The following PDE3B variants were observed in gnomAD, a reference collection of about 807,000 sequenced individuals.
PDE3B encodes the protein cGMP-inhibited 3',5'-cyclic phosphodiesterase 3B.
A neutral mutation model predicts 116.8 loss-of-function variants in PDE3B; 66 were observed. That is an observed-to-expected ratio of 0.56 (90% CI 0.46 to 0.69). The LOEUF (loss-of-function observed/expected upper bound fraction) is 0.69. Ranked by LOEUF, PDE3B falls within the 30% of genes least tolerant of loss-of-function variation. The probability of loss-of-function intolerance (pLI) is 0.00; values close to 1 mark genes in which losing one functional copy is unlikely to be tolerated. For synonymous variants in PDE3B, 595 were observed against 533.6 expected, an observed-to-expected ratio of 1.12 and a Z score of -1.59; for missense variants, 1,384 against 1,368.1, an observed-to-expected ratio of 1.01 and a Z score of -0.18.
intron 1 of PDE3B, among the ~76,000 whole-genome samples, chr11:14,755,203 G>A (rs970263581): frequency 6.6e-6 from 1 of 152,162 alleles, no homozygotes; most frequent in African/African-American, 2.4e-5. Context: ...GTCACATCTT[G>A]TCAAAAGTTA....
chr11:14,729,002 A>C (rs1434218348), intron 1 of PDE3B, among the ~76,000 whole-genome samples: 1 of 152,140 alleles, frequency 6.6e-6, no homozygotes, highest in East Asian at 1.9e-4. Context: ...CATTGAAGAG[A>C]TACCCGTGAA....
intron 1 of PDE3B, among the ~76,000 whole-genome samples, chr11:14,666,839 C>G (rs977163247): frequency 2.0e-5 from 3 of 152,176 alleles, no homozygotes; most frequent in African/African-American, 7.2e-5. Flanking sequence ...GTTGGTGGGA[C>G]TGTAAACTAG....
intron 1 of PDE3B, among the ~76,000 whole-genome samples, chr11:14,742,452 C>T (rs1392258528): frequency 6.6e-6 from 1 of 152,080 alleles, no homozygotes; most frequent in Non-Finnish European, 1.5e-5. Flanking sequence ...TTATGTTCTT[C>T]TCTAAACTGG....
chr11:14,679,655 C>G (rs1452653459), intron 1 of PDE3B, among the ~76,000 whole-genome samples: 2 of 151,884 alleles, frequency 1.3e-5, no homozygotes, highest in East Asian at 3.9e-4. Context: ...GAAGGACTCT[C>G]TTCTGTCTTT....
chr11:14,793,928 C>T (rs1048976221), intron 4 of PDE3B, among the ~76,000 whole-genome samples: 3 of 152,214 alleles, frequency 2.0e-5, no homozygotes, highest in Non-Finnish European at 2.9e-5. Context: ...TTGTGTCATC[C>T]TACTCAGCTT....
intron 1 of PDE3B, among the ~76,000 whole-genome samples, chr11:14,771,361 A>G (rs983894333): frequency 2.0e-5 from 3 of 151,718 alleles, no homozygotes; most frequent in African/African-American, 7.2e-5. Flanking sequence ...GCAGGAAAAA[A>G]ACTAGTCTGG....
intron 1 of PDE3B, chr11:14,674,037 G>T: frequency 6.7e-7 from 1 of 1,492,850 alleles, no homozygotes; most frequent in Non-Finnish European, 9.3e-7. Flanking sequence ...TGGTAATTAA[G>T]TCCCAGTCAT....
the PDE3B span, among the ~76,000 whole-genome samples, chr11:14,889,250 T>C: frequency 6.6e-6 from 1 of 151,918 alleles, no homozygotes; most frequent in Non-Finnish European, 1.5e-5. Context: ...AGGTACAACT[T>C]TCCAGAACTT....
chr11:14,702,092 T>C (rs1432752404), intron 1 of PDE3B, among the ~76,000 whole-genome samples: 1 of 151,684 alleles, frequency 6.6e-6, no homozygotes, highest in Non-Finnish European at 1.5e-5. Context: ...TTTTAAAGTG[T>C]TTTTCTCCTA....
intron 14 of PDE3B, among the ~76,000 whole-genome samples, chr11:14,863,931 A>G (rs1370607540): frequency 1.3e-5 from 2 of 152,228 alleles, no homozygotes; most frequent in African/African-American, 4.8e-5. Flanking sequence ...CATCATAATG[A>G]CAGGATCAAA....
chr11:14,685,229 A>G (rs1854835803), intron 1 of PDE3B, among the ~76,000 whole-genome samples: 1 of 151,978 alleles, frequency 6.6e-6, no homozygotes, highest in Admixed American at 6.6e-5. Context: ...AATCTTCACA[A>G]TTTATGTTCC....
At chr11:14,838,171 G>A (rs1226457695) in intron 11 of PDE3B, among the ~76,000 whole-genome samples, 1 of 151,884 alleles carries the variant, frequency 6.6e-6, no homozygotes, top group Non-Finnish European at 1.5e-5. Flanking sequence ...AGTGGAGACG[G>A]GTTTTCACCG....
Position 14,677,499 on chromosome 11 carries a change from C to T in PDE3B, c.978+32446C>T, listed in dbSNP as rs1033355324. 5.3e-5 allele frequency among the ~76,000 whole-genome samples: 8 copies of T among 152,024 alleles called. No homozygotes were observed. In the East Asian group the frequency reaches 9.7e-4, roughly 18 times the overall value. On this transcript the variant is annotated intron_variant, in intron 1 of 15. Coordinates refer to ENST00000282096, the MANE Select transcript of PDE3B (RefSeq NM_000922.4). ...GTAAACATATTCTCAATATTTCCCT[C>T]GAATCTTAAGTATTTACCTTTTATT...
At position 14,818,174 on chromosome 11, in the gene PDE3B, T is replaced by A; in HGVS notation, c.1523-9T>A. 2 of 1,575,728 alleles carry A rather than the reference T, an allele frequency of 1.3e-6. No individual in the cohort carries two copies. Among genetic ancestry groups the A allele is most frequent in the Non-Finnish European group, 1.7e-6 (2 of 1,146,212 alleles). ...TATTTATCTATCTCCTTTCTTTTAA[T>A]TTTTAAAGGTGTTTTGTCCAGTCTG... On this transcript the variant is annotated splice_polypyrimidine_tract_variant and intron_variant, in intron 5 of 15. Coordinates refer to ENST00000282096, the MANE Select transcript of PDE3B (RefSeq NM_000922.4).
intron 11 of PDE3B, among the ~76,000 whole-genome samples, chr11:14,841,099 A>G (rs1468086701): frequency 6.6e-6 from 1 of 152,052 alleles, no homozygotes; most frequent in African/African-American, 2.4e-5. Flanking sequence ...TAAAGCAGAT[A>G]ACCCTCCATA....
At chr11:14,864,388 CAGAT>C (rs1406501011) in intron 14 of PDE3B, among the ~76,000 whole-genome samples, 2 of 152,082 alleles carry the variant, frequency 1.3e-5, no homozygotes, top group African/African-American at 4.8e-5. Context: ...CAATATTAGA[CAGAT>C]CAAGACAGAA....
chr11:14,759,572 CAG>C (rs1187110135), intron 1 of PDE3B, among the ~76,000 whole-genome samples: 1 of 133,826 alleles, frequency 7.5e-6, no homozygotes, highest in African/African-American at 2.9e-5. Context: ...TTTTTTGAGA[CAG>C]AGTCTTGCTT....
Position 14,786,558 on chromosome 11 carries a change from G to A in PDE3B, c.1151G>A (p.Ser384Asn). Residue 384 changes from serine to asparagine, a missense_variant, in exon 3 of 16, where the codon AGT becomes AAT. Transcript: ENST00000282096. ...GTCATTTCCTCTCTACGGAGTATTAGTAGCTTAATGGGTGCTTTCTCAGGT... is the reference window on the plus strand; with the variant it reads ...GTCATTTCCTCTCTACGGAGTATTAATAGCTTAATGGGTGCTTTCTCAGGT... ...PQVISSLRSI[S>N]SLMGAFSGSC... 1 of 1,613,338 alleles carries A rather than the reference G, an allele frequency of 6.2e-7. No individual in the cohort carries two copies. The highest frequency in any genetic ancestry group is 1.3e-5 in the African/African-American group (1 of 74,960).
chr11:14,655,606 C>G (rs2133753894), intron 1 of PDE3B, among the ~76,000 whole-genome samples: 1 of 152,266 alleles, frequency 6.6e-6, no homozygotes, highest in Middle Eastern at 3.4e-3. Flanking sequence ...GACTAGCTCA[C>G]CATGAGACAC....
Sources: gnomAD v4.1 joint callset for allele counts (sites outside exome capture counted in the v4.1 genomes callset) on GRCh38, gnomAD v4.1.1 for gene constraint, MANE v1.5 for transcripts, NCBI Gene and HGNC (gene_info 2026-07-23, HGNC 2026-07-21) for gene names.